Variants in NEDD4L observed in about 807,000 individuals in gnomAD.
NEDD4L encodes the protein E3 ubiquitin-protein ligase NEDD4-like.
Under a neutral mutation model 148.9 loss-of-function variants are expected in NEDD4L, and 54 were observed. The observed-to-expected ratio is 0.36, with a 90% confidence interval of 0.29 to 0.45. The LOEUF is 0.45. Among genes scored for constraint, NEDD4L ranks in the 20% least tolerant of loss-of-function variants. NEDD4L has a pLI of 1.00. For missense variants in NEDD4L, 856 were observed against 1,233.8 expected, an observed-to-expected ratio of 0.69 and a Z score of 4.59; for synonymous variants, 433 against 440.7, an observed-to-expected ratio of 0.98 and a Z score of 0.22.
At chr18:58,324,924 C>A (rs2059177830) in intron 8 of NEDD4L, 72 bp from the exon 9 acceptor site, 1 of 1,386,224 alleles carries the variant, frequency 7.2e-7, no homozygotes, top group Non-Finnish European at 1.0e-6. Context: ...GCATGCAGGG[C>A]ATGCTGTGAT....
At chr18:58,230,370 T>C (rs1393613652) in intron 2 of NEDD4L, among the ~76,000 whole-genome samples, 1 of 152,036 alleles carries the variant, frequency 6.6e-6, no homozygotes, top group Non-Finnish European at 1.5e-5. Context: ...TTTCAGTTTT[T>C]GGTATCAGGT....
intron 5 of NEDD4L, among the ~76,000 whole-genome samples, chr18:58,274,867 G>T (rs2051633532): frequency 6.6e-6 from 1 of 152,180 alleles, no homozygotes; most frequent in Admixed American, 6.5e-5. Context: ...TATGTAGTAG[G>T]TGCTCAATAA....
At chr18:58,068,038 C>A (rs2082689250) in intron 1 of NEDD4L, among the ~76,000 whole-genome samples, 2 of 152,226 alleles carry the variant, frequency 1.3e-5, no homozygotes, top group South Asian at 4.2e-4. Flanking sequence ...TAGCTCATTG[C>A]AGCCTCAACC....
intron 5 of NEDD4L, among the ~76,000 whole-genome samples, chr18:58,311,320 TA>T (rs1269117909): frequency 6.6e-6 from 1 of 152,188 alleles, no homozygotes; most frequent in East Asian, 1.9e-4. Context: ...ACTCACAACT[TA>T]AAAAATATTA....
At chr18:58,278,876 T>C (rs1183010730) in intron 5 of NEDD4L, among the ~76,000 whole-genome samples, 2 of 152,176 alleles carry the variant, frequency 1.3e-5, no homozygotes, top group East Asian at 1.9e-4. Flanking sequence ...TATTTTTATT[T>C]ATTTATTTTT....
chr18:58,096,185 T>C (rs2084380906), intron 1 of NEDD4L, among the ~76,000 whole-genome samples: 1 of 152,044 alleles, frequency 6.6e-6, no homozygotes, highest in Non-Finnish European at 1.5e-5. Context: ...TATTTTCTTC[T>C]GTACAGGGTA....
In NEDD4L at chr18:58,360,742, T is replaced by TTGTGTGTG. The variant is rs10665833; in HGVS notation, c.1768-3502_1768-3495dup. Among the ~76,000 whole-genome samples the TTGTGTGTG allele has an allele frequency of 8.9e-3, 1,300 of 146,056 alleles. 19 individuals are homozygous for TTGTGTGTG. Among genetic ancestry groups the TTGTGTGTG allele is most frequent in the African/African-American group, 0.027 (1,083 of 39,718 alleles). On this transcript the variant is annotated intron_variant, in intron 19 of 30. Transcript: ENST00000400345. ...ATTATTGCCTAGTTCAGTTTATAAT[T>TTGTGTGTG]TGTGTGTGTGTGTGTGTGTGTGTGT... is the stretch of plus-strand genomic sequence containing the variant.
chr18:58,364,166 T>G, intron 19 of NEDD4L, 102 bp from the exon 20 acceptor site: 1 of 723,420 alleles, frequency 1.4e-6, no homozygotes, highest in Non-Finnish European at 2.4e-6. Flanking sequence ...AGTGAGAATT[T>G]ACGGTTTATG....
At chr18:58,172,401 TCTTA>T (rs998727066) in intron 2 of NEDD4L, among the ~76,000 whole-genome samples, 1 of 152,232 alleles carries the variant, frequency 6.6e-6, no homozygotes, top group African/African-American at 2.4e-5. Context: ...AGTCGTGCTT[TCTTA>T]ACACGGGGGT....
intron 15 of NEDD4L, among the ~76,000 whole-genome samples, chr18:58,342,372 C>T (rs12454023): frequency 0.47 from 71,820 of 151,958 alleles, 17,779 homozygotes; most frequent in East Asian, 0.66. Context: ...TGTTTGAGGT[C>T]CTAAGCTTGA....
chr18:58,229,566 G>A (rs756993358), intron 2 of NEDD4L, among the ~76,000 whole-genome samples: 9 of 152,080 alleles, frequency 5.9e-5, no homozygotes, highest in Admixed American at 4.6e-4. Context: ...CTCATTCCAC[G>A]TCAGCTGCAC....
intron 1 of NEDD4L, chr18:58,047,404 T>G (rs2081635330): frequency 2.0e-6 from 2 of 985,056 alleles, no homozygotes; most frequent in African/African-American, 1.7e-5. Context: ...CTCTCTGCAC[T>G]GCTGATGATG....
chr18:58,333,743 ATGTT>A (rs1323122621), intron 11 of NEDD4L, 71 bp from the exon 12 acceptor site: 2 of 976,304 alleles, frequency 2.0e-6, no homozygotes, highest in African/African-American at 3.2e-5. Flanking sequence ...GTTGAGTGAT[ATGTT>A]TGTTAAACCA....
intron 1 of NEDD4L, among the ~76,000 whole-genome samples, chr18:58,072,870 G>GTGCA (rs1372799930): frequency 2.8e-5 from 3 of 106,450 alleles, no homozygotes; most frequent in Non-Finnish European, 4.0e-5. Context: ...GCGCGCGCGC[G>GTGCA]CGCACACACA....
At position 58,187,124 on chromosome 18, in the gene NEDD4L, T is replaced by A. The variant is rs561476794; in HGVS notation, c.122+21263T>A. Among the ~76,000 whole-genome samples, 4 of 152,338 alleles carry A rather than the reference T, an allele frequency of 2.6e-5. No homozygotes were observed. In the South Asian group the frequency reaches 8.3e-4, roughly 32 times the overall value. ...CGAGCATGAAGCCTAGTGCACAGGCTTTTCAAGACCCCACGGAGGGTCTTC... is the reference window on the plus strand; with the variant it reads ...CGAGCATGAAGCCTAGTGCACAGGCATTTCAAGACCCCACGGAGGGTCTTC... On this transcript the variant is annotated intron_variant, in intron 2 of 30. Coordinates refer to ENST00000400345, the MANE Select transcript of NEDD4L (RefSeq NM_001144967.3).
chr18:58,214,115 TAGC>T (rs1275654118), intron 2 of NEDD4L, among the ~76,000 whole-genome samples: 2 of 152,200 alleles, frequency 1.3e-5, no homozygotes, highest in African/African-American at 4.8e-5. Context: ...AAGTGCAAGG[TAGC>T]AGTGGGAAAA....
chr18:58,230,034 G>A (rs559959621), intron 2 of NEDD4L, among the ~76,000 whole-genome samples: 153 of 152,020 alleles, frequency 1.0e-3, no homozygotes, highest in Non-Finnish European at 1.8e-3. Flanking sequence ...TTTTCAGGTT[G>A]GAAAAATATC....
intron 1 of NEDD4L, among the ~76,000 whole-genome samples, chr18:58,139,285 C>T (rs2033216601): frequency 6.6e-6 from 1 of 151,556 alleles, no homozygotes. Flanking sequence ...TCTTCCCTCC[C>T]AACCCCTCCC....
At chr18:58,110,600 G>A (rs1356376049) in intron 1 of NEDD4L, among the ~76,000 whole-genome samples, 14 of 152,200 alleles carry the variant, frequency 9.2e-5, no homozygotes, top group Admixed American at 9.2e-4. Flanking sequence ...CTCAGTCCCC[G>A]AGGGAGCGCT....
Sources: gnomAD v4.1 joint callset for allele counts (sites outside exome capture counted in the v4.1 genomes callset) on GRCh38, gnomAD v4.1.1 for gene constraint, MANE v1.5 for transcripts, NCBI Gene and HGNC (gene_info 2026-07-23, HGNC 2026-07-21) for gene names.